The following EML4 variants were observed in gnomAD, a reference collection of about 807,000 sequenced individuals.
EML4 encodes EMAP like 4.
A neutral mutation model predicts 129.0 loss-of-function variants in EML4; 72 were observed. The observed-to-expected ratio is 0.56, with a 90% CI of 0.46 to 0.68. The LOEUF (loss-of-function observed/expected upper bound fraction) is 0.68. Among genes scored for constraint, EML4 ranks in the 30% least tolerant of loss-of-function variants. The pLI is 0.00. For synonymous variants in EML4, 532 were observed against 405.0 expected (o/e 1.31, Z -3.77); for missense variants, 1,363 against 1,190.6 (o/e 1.14, Z -2.13).
chr2:42,187,645 A>C (rs1251982257), intron 1 of EML4, among the ~76,000 whole-genome samples: 2 of 151,144 alleles, frequency 1.3e-5, no homozygotes, highest in Non-Finnish European at 2.9e-5. Context: ...TTCTTTCTCT[A>C]TGAATTCTCC....
At chr2:42,212,434 A>C (rs1421911659) in intron 1 of EML4, among the ~76,000 whole-genome samples, 1 of 152,182 alleles carries the variant, frequency 6.6e-6, no homozygotes, top group Non-Finnish European at 1.5e-5. Context: ...AGCGTTTTAA[A>C]GAAAAGGACA....
chr2:42,178,815 G>A (rs371718603), intron 1 of EML4, among the ~76,000 whole-genome samples: 3 of 152,218 alleles, frequency 2.0e-5, no homozygotes, highest in African/African-American at 4.8e-5. Context: ...TTCTAAAGTG[G>A]AGGGGGCTGA....
chr2:42,278,768 T>C (rs1666806629), intron 6 of EML4, among the ~76,000 whole-genome samples: 1 of 151,650 alleles, frequency 6.6e-6, no homozygotes, highest in South Asian at 2.1e-4. Flanking sequence ...ACCCCATCTC[T>C]ACTAAAAATA....
chr2:42,318,071 A>G (rs954458945), intron 19 of EML4, among the ~76,000 whole-genome samples: 64 of 152,354 alleles, frequency 4.2e-4, no homozygotes, highest in African/African-American at 1.4e-3. Flanking sequence ...CAAGTACTGA[A>G]TGTACAGCAG....
intron 1 of EML4, among the ~76,000 whole-genome samples, chr2:42,242,062 C>T (rs1675073766): frequency 6.6e-6 from 1 of 152,030 alleles, no homozygotes; most frequent in African/African-American, 2.4e-5. Context: ...AACTTAAACA[C>T]CTTAGTCATT....
chr2:42,171,756 G>T (rs2103780375), intron 1 of EML4, among the ~76,000 whole-genome samples: 1 of 152,244 alleles, frequency 6.6e-6, no homozygotes, highest in South Asian at 2.1e-4. Flanking sequence ...CAGTATTTCT[G>T]GAGCTGTTCT....
chr2:42,304,424 A>C, intron 16 of EML4, 60 bp from the exon 17 acceptor site: 1 of 1,301,098 alleles, frequency 7.7e-7, no homozygotes, highest in Non-Finnish European at 1.1e-6. Context: ...AGTTTTTGCT[A>C]CTGTCCCCAT....
intron 1 of EML4, among the ~76,000 whole-genome samples, chr2:42,180,541 C>T (rs541341816): frequency 6.6e-6 from 1 of 152,176 alleles, no homozygotes; most frequent in African/African-American, 2.4e-5. Context: ...CTTTCCTGGC[C>T]TCTATAGACC....
At chr2:42,277,486 G>A (rs1296796063) in intron 6 of EML4, among the ~76,000 whole-genome samples, 1 of 151,726 alleles carries the variant, frequency 6.6e-6, no homozygotes, top group Admixed American at 6.6e-5. Context: ...GCCTTAGCCT[G>A]TTCTTAGATC....
At chr2:42,231,414 C>T (rs1348262223) in intron 1 of EML4, among the ~76,000 whole-genome samples, 2 of 152,154 alleles carry the variant, frequency 1.3e-5, no homozygotes, top group African/African-American at 4.8e-5. Flanking sequence ...CTATCTTAAG[C>T]CCAAGACCTA....
chr2:42,326,338 T>C, intron 21 of EML4, 86 bp downstream of exon 21: 1 of 890,574 alleles, frequency 1.1e-6, no homozygotes, highest in Non-Finnish European at 1.8e-6. Flanking sequence ...AAATGAAAAA[T>C]AGTCTGTGTA....
At chr2:42,314,081 G>A (rs529933776) in intron 17 of EML4, among the ~76,000 whole-genome samples, 8 of 152,144 alleles carry the variant, frequency 5.3e-5, no homozygotes, top group East Asian at 1.9e-4. Context: ...AAAACTTGCC[G>A]GGCATGGTGG....
chr2:42,286,161 G>C (rs768699593), intron 9 of EML4, 108 bp from the exon 10 acceptor site: 2 of 739,272 alleles, frequency 2.7e-6, no homozygotes, highest in African/African-American at 3.4e-5. Context: ...TAATTTATTA[G>C]AAGCTTATCC....
chr2:42,179,134 T>G (rs1033589163), intron 1 of EML4, among the ~76,000 whole-genome samples: 1 of 152,180 alleles, frequency 6.6e-6, no homozygotes, highest in African/African-American at 2.4e-5. Context: ...TCTCTGCATG[T>G]GATACCCAGA....
intron 2 of EML4, among the ~76,000 whole-genome samples, chr2:42,246,606 G>A (rs534855899): frequency 1.3e-5 from 2 of 152,274 alleles, no homozygotes; most frequent in South Asian, 2.1e-4. Flanking sequence ...GGTGTATATG[G>A]TATGTAGAGA....
At chr2:42,178,380 CAA>C (rs112033160) in intron 1 of EML4, among the ~76,000 whole-genome samples, 1 of 133,776 alleles carries the variant, frequency 7.5e-6, no homozygotes, top group African/African-American at 2.7e-5. Context: ...CTGTCTCTAC[CAA>C]AAAAAAAAAA....
chr2:42,211,482 T>A (rs753228182), intron 1 of EML4, among the ~76,000 whole-genome samples: 1 of 152,182 alleles, frequency 6.6e-6, no homozygotes, highest in Non-Finnish European at 1.5e-5. Flanking sequence ...AATCTTGTGT[T>A]GCTATAAACT....
rs1210938789 is a variant in EML4, at chr2:42,330,564, A to G, written c.*357A>G. The G allele has an allele frequency of 2.5e-5, 11 of 432,856 alleles. No homozygotes were observed. The highest frequency in any genetic ancestry group is 6.8e-4 in the Middle Eastern group (1 of 1,466). 26.8% of individuals were successfully genotyped at this position (432,856 alleles called of 1,614,324 possible). On this transcript the variant is annotated 3_prime_UTR_variant, in exon 23 of 23. Coordinates refer to ENST00000318522, the MANE Select transcript of EML4 (RefSeq NM_019063.5). ...GTTATCTGAACATGTTTTCTTCAGG[A>G]ACAACCAGAGGTATCACAAACACTG...
chr2:42,194,175 T>C (rs1671765981), intron 1 of EML4, among the ~76,000 whole-genome samples: 2 of 151,676 alleles, frequency 1.3e-5, no homozygotes, highest in Non-Finnish European at 2.9e-5. Context: ...TAATGGCTTA[T>C]TTGAAATGGG....
Sources: gnomAD v4.1 joint callset for allele counts (sites outside exome capture counted in the v4.1 genomes callset) on GRCh38, gnomAD v4.1.1 for gene constraint, MANE v1.5 for transcripts, NCBI Gene and HGNC (gene_info 2026-07-23, HGNC 2026-07-21) for gene names.